EXT1: variants seen among roughly 807,000 people sequenced by gnomAD.
EXT1 encodes exostosin-1.
In EXT1, 20 loss-of-function variants were observed where a neutral mutation model predicts 82.5. The ratio of observed to expected loss-of-function variants is 0.24; its 90% CI spans 0.17 to 0.35. The LOEUF (loss-of-function observed/expected upper bound fraction) is 0.35, where lower values mean the gene tolerates loss of function less well. EXT1 is among the 10% of genes least tolerant of loss of function. The pLI, the probability that EXT1 is intolerant of heterozygous loss-of-function variation, is 1.00. For synonymous variants in EXT1, 348 were observed against 350.8 expected, an observed-to-expected ratio of 0.99 and a Z score of 0.09; for missense variants, 757 against 936.5, an observed-to-expected ratio of 0.81 and a Z score of 2.50.
At chr8:118,053,742 G>C (rs893214834) in intron 1 of EXT1, among the ~76,000 whole-genome samples, 7 of 152,202 alleles carry the variant, frequency 4.6e-5, no homozygotes, top group Non-Finnish European at 8.8e-5. Flanking sequence ...AAGTACAACA[G>C]GTTATTTGCC....
chr8:118,077,126 C>T (rs1817227462), intron 1 of EXT1, among the ~76,000 whole-genome samples: 1 of 152,152 alleles, frequency 6.6e-6, no homozygotes, highest in Admixed American at 6.5e-5. Context: ...TCCAGAATTT[C>T]TAGGAGGCAA....
At position 117,794,773 on chromosome 8, in the gene EXT1, T is replaced by C. The variant is rs919125606; in HGVS notation, c.*4939A>G. The C allele has an allele frequency of 1.3e-5, 2 of 152,196 alleles. No homozygotes were observed. The highest frequency in any genetic ancestry group is 6.5e-5 in the Admixed American group (1 of 15,284). 9.4% of individuals were successfully genotyped at this position (152,196 alleles called of 1,614,324 possible). A position where few individuals can be genotyped will look rare whatever the true frequency, so the allele number is the denominator to read the frequency against. On this transcript the variant is annotated 3_prime_UTR_variant, in exon 11 of 11. Coordinates refer to ENST00000378204, the MANE Select transcript of EXT1 (RefSeq NM_000127.3). ...GACCTGTGGTGACACTACAAAAACA[T>C]TGGCAACATATTAGAAAACTCTGTC...
intron 1 of EXT1, among the ~76,000 whole-genome samples, chr8:117,969,358 C>T (rs893177069): frequency 6.6e-6 from 1 of 152,188 alleles, no homozygotes; most frequent in Admixed American, 6.5e-5. Flanking sequence ...TTCCACCATT[C>T]GTTTCCATAG....
chr8:117,966,694 A>G (rs1337740731), intron 1 of EXT1, among the ~76,000 whole-genome samples: 1 of 152,228 alleles, frequency 6.6e-6, no homozygotes, highest in Non-Finnish European at 1.5e-5. Flanking sequence ...CTACATGCAA[A>G]CAAATAATTC....
chr8:117,873,225 C>T (rs1475426115), intron 1 of EXT1, among the ~76,000 whole-genome samples: 1 of 152,130 alleles, frequency 6.6e-6, no homozygotes, highest in Non-Finnish European at 1.5e-5. Context: ...TGAGTCTCCA[C>T]AACTGTGAAA....
chr8:117,937,640 A>G (rs757187639), intron 1 of EXT1, among the ~76,000 whole-genome samples: 11 of 152,246 alleles, frequency 7.2e-5, no homozygotes, highest in Non-Finnish European at 1.6e-4. Flanking sequence ...CACATACAAT[A>G]AAGACTGTAA....
rs1811865875 is a variant in EXT1, at chr8:117,818,543, G to A, written c.1537-13C>T. ...ATAGAACTATGATCTGAAAGGGATG[G>A]GGCTCATTAGATGGCTGGGGTAGGA... is the stretch of plus-strand genomic sequence containing the variant. On this transcript the variant is annotated splice_polypyrimidine_tract_variant and intron_variant, in intron 6 of 10. Coordinates refer to ENST00000378204, the MANE Select transcript of EXT1 (RefSeq NM_000127.3). 1.9e-6 allele frequency: 3 copies of A among 1,603,552 alleles called. No homozygotes were observed. The highest frequency in any genetic ancestry group is 1.3e-5 in the African/African-American group (1 of 74,828).
intron 3 of EXT1, chr8:117,831,635 A>C: frequency 4.2e-6 from 2 of 471,140 alleles, no homozygotes; most frequent in Non-Finnish European, 4.4e-6. Flanking sequence ...CATATGACTA[A>C]TCCGACAGAT....
intron 1 of EXT1, among the ~76,000 whole-genome samples, chr8:117,992,297 C>G (rs1292971057): frequency 6.6e-6 from 1 of 152,000 alleles, no homozygotes; most frequent in Admixed American, 6.6e-5. Flanking sequence ...GCCTCCCAAA[C>G]ACATTATAAA....
chr8:118,104,584 A>G (rs1817776554), intron 1 of EXT1, among the ~76,000 whole-genome samples: 1 of 152,240 alleles, frequency 6.6e-6, no homozygotes. Context: ...CAAATACACA[A>G]TTTAGGCTGA....
intron 1 of EXT1, among the ~76,000 whole-genome samples, chr8:117,855,955 C>G (rs1812549122): frequency 6.6e-6 from 1 of 152,206 alleles, no homozygotes; most frequent in South Asian, 2.1e-4. Flanking sequence ...CAGGCGTAAG[C>G]CACCATGCCC....
intron 1 of EXT1, among the ~76,000 whole-genome samples, chr8:117,978,560 T>C (rs1023420356): frequency 7.2e-5 from 11 of 152,156 alleles, no homozygotes; most frequent in Admixed American, 4.6e-4. Context: ...TTGAGGATTA[T>C]GAGGTGGAGT....
intron 1 of EXT1, among the ~76,000 whole-genome samples, chr8:118,054,670 A>C (rs1322197035): frequency 6.6e-6 from 1 of 152,204 alleles, no homozygotes; most frequent in Non-Finnish European, 1.5e-5. Flanking sequence ...TAACCCAAGG[A>C]GTGGGAAAAC....
At chr8:117,950,866 G>A (rs1814478282) in intron 1 of EXT1, among the ~76,000 whole-genome samples, 1 of 152,018 alleles carries the variant, frequency 6.6e-6, no homozygotes, top group East Asian at 1.9e-4. Flanking sequence ...TTTAACAGGT[G>A]GACTGTACTG....
chr8:117,984,777 C>T (rs112913290), intron 1 of EXT1, among the ~76,000 whole-genome samples: 2,919 of 152,146 alleles, frequency 0.019, 36 homozygotes, highest in Middle Eastern at 0.031. Context: ...GGGAGAGAGA[C>T]TGGACAGGAT....
chr8:118,046,520 C>T (rs1816626024), intron 1 of EXT1, among the ~76,000 whole-genome samples: 1 of 152,156 alleles, frequency 6.6e-6, no homozygotes, highest in Admixed American at 6.5e-5. Context: ...GGGTAGGAAG[C>T]GGTGGGGCAG....
intron 1 of EXT1, among the ~76,000 whole-genome samples, chr8:117,914,777 T>C (rs540786175): frequency 6.6e-6 from 1 of 152,296 alleles, no homozygotes; most frequent in East Asian, 1.9e-4. Flanking sequence ...CGAACCCTGT[T>C]TTCTGTTGTT....
chr8:117,805,684 T>C (rs1464657557), intron 9 of EXT1, among the ~76,000 whole-genome samples: 1 of 152,202 alleles, frequency 6.6e-6, no homozygotes, highest in African/African-American at 2.4e-5. Flanking sequence ...ATTTCCAAGC[T>C]ATCCCTGAGA....
At chr8:118,094,956 A>C (rs1021448421) in intron 1 of EXT1, among the ~76,000 whole-genome samples, 2 of 152,234 alleles carry the variant, frequency 1.3e-5, no homozygotes, top group Non-Finnish European at 2.9e-5. Context: ...GTCTGATATC[A>C]AATATTTGGA....
Sources: gnomAD v4.1 joint callset for allele counts (sites outside exome capture counted in the v4.1 genomes callset) on GRCh38, gnomAD v4.1.1 for gene constraint, MANE v1.5 for transcripts, NCBI Gene and HGNC (gene_info 2026-07-23, HGNC 2026-07-21) for gene names.